The following ARK2C variants were observed in gnomAD, a reference collection of about 807,000 sequenced individuals.
The protein encoded by ARK2C is E3 ubiquitin-protein ligase ARK2C.
At chr18:46,378,160 C>T in the ARK2C span, among the ~76,000 whole-genome samples, 1 of 152,210 alleles carries the variant, frequency 6.6e-6, no homozygotes, top group Non-Finnish European at 1.5e-5. Flanking sequence ...AGGTACGTCC[C>T]CTGCACCAAA....
chr18:46,375,911 G>A, the ARK2C span, among the ~76,000 whole-genome samples: 1 of 152,204 alleles, frequency 6.6e-6, no homozygotes, highest in Admixed American at 6.5e-5. Context: ...TTCAGTCCCT[G>A]CCTTTGATGA....
the ARK2C span, among the ~76,000 whole-genome samples, chr18:46,342,052 C>T: frequency 6.6e-6 from 1 of 152,182 alleles, no homozygotes; most frequent in Non-Finnish European, 1.5e-5. Context: ...TTGGTCCTGT[C>T]TGCAAAGAGG....
the ARK2C span, among the ~76,000 whole-genome samples, chr18:46,429,137 G>C: frequency 5.3e-5 from 8 of 152,214 alleles, no homozygotes; most frequent in Non-Finnish European, 7.3e-5. Context: ...ATAAGGCAGA[G>C]AGGCCTGACT....
At chr18:46,393,734 C>T in the ARK2C span, among the ~76,000 whole-genome samples, 1 of 152,212 alleles carries the variant, frequency 6.6e-6, no homozygotes, top group African/African-American at 2.4e-5. Context: ...ACTCTGCAGG[C>T]CAGTGGGGAG....
the ARK2C span, chr18:46,337,713 T>TC: frequency 1.3e-5 from 9 of 702,430 alleles, no homozygotes; most frequent in Non-Finnish European, 1.6e-5. Context: ...GTTTAGATTT[T>TC]CCCCCCTTGC....
the ARK2C span, among the ~76,000 whole-genome samples, chr18:46,364,138 G>A: frequency 7.9e-5 from 12 of 151,208 alleles, no homozygotes; most frequent in Middle Eastern, 3.2e-3. Flanking sequence ...AATAGAACTG[G>A]GATTTCTCCA....
the ARK2C span, among the ~76,000 whole-genome samples, chr18:46,425,794 G>A: frequency 1.1e-4 from 17 of 152,076 alleles, no homozygotes; most frequent in African/African-American, 3.6e-4. Flanking sequence ...GAGGCCCCCC[G>A]TCTTAGTCTG....
chr18:46,382,681 C>T, the ARK2C span, among the ~76,000 whole-genome samples: 169 of 152,288 alleles, frequency 1.1e-3, no homozygotes, highest in Middle Eastern at 6.8e-3. Context: ...ACCACAGCCC[C>T]GTGAAGTTAG....
At chr18:46,344,028 TGC>T in the ARK2C span, among the ~76,000 whole-genome samples, 3 of 152,192 alleles carry the variant, frequency 2.0e-5, no homozygotes, top group Non-Finnish European at 2.9e-5. Context: ...TGCCTGGGTG[TGC>T]CGCTGTGTGC....
At chr18:46,372,644 G>T in the ARK2C span, among the ~76,000 whole-genome samples, 5 of 152,276 alleles carry the variant, frequency 3.3e-5, no homozygotes, top group African/African-American at 1.2e-4. Flanking sequence ...AGGGGTTGGG[G>T]GTCTCCTGTT....
At chr18:46,378,619 G>C in the ARK2C span, among the ~76,000 whole-genome samples, 38 of 152,214 alleles carry the variant, frequency 2.5e-4, no homozygotes, top group Non-Finnish European at 4.9e-4. Flanking sequence ...CAGGGCCACT[G>C]TTTATCAAAT....
the ARK2C span, among the ~76,000 whole-genome samples, chr18:46,411,757 A>G: frequency 2.0e-5 from 3 of 152,334 alleles, no homozygotes; most frequent in Non-Finnish European, 2.9e-5. Flanking sequence ...TGCTCACCCA[A>G]TGTGAACAAA....
At chr18:46,401,661 T>C in the ARK2C span, among the ~76,000 whole-genome samples, 7 of 152,304 alleles carry the variant, frequency 4.6e-5, no homozygotes, top group Admixed American at 6.5e-5. Flanking sequence ...CTTGAACAAA[T>C]TTCAGCATGC....
chr18:46,410,150 C>T, the ARK2C span, among the ~76,000 whole-genome samples: 2,544 of 152,264 alleles, frequency 0.017, 39 homozygotes, highest in East Asian at 0.094. Context: ...CTTCTAAGGT[C>T]ACATGACCTC....
chr18:46,445,548 T>C, the ARK2C span, among the ~76,000 whole-genome samples: 7 of 152,224 alleles, frequency 4.6e-5, no homozygotes, highest in Non-Finnish European at 8.8e-5. Flanking sequence ...CCTCCTTCTA[T>C]GTAGCTGCCT....
chr18:46,424,223 G>A, the ARK2C span, among the ~76,000 whole-genome samples: 1 of 152,232 alleles, frequency 6.6e-6, no homozygotes, highest in Non-Finnish European at 1.5e-5. Context: ...TGGACAGGAT[G>A]CAATGGTCTG....
chr18:46,391,587 T>A, the ARK2C span, among the ~76,000 whole-genome samples: 1 of 152,022 alleles, frequency 6.6e-6, no homozygotes. Context: ...GCAGGGTAGT[T>A]TGCACAGCCA....
the ARK2C span, among the ~76,000 whole-genome samples, chr18:46,446,976 T>A: frequency 6.6e-6 from 1 of 152,188 alleles, no homozygotes; most frequent in Non-Finnish European, 1.5e-5. Flanking sequence ...CTTGCTCATT[T>A]TCTCTCCAGA....
At chr18:46,408,345 C>T in the ARK2C span, among the ~76,000 whole-genome samples, 1 of 152,262 alleles carries the variant, frequency 6.6e-6, no homozygotes, top group Non-Finnish European at 1.5e-5. Flanking sequence ...TTGGTCCCAC[C>T]TCCCTTCTAC....
Sources: gnomAD v4.1 joint callset for allele counts (sites outside exome capture counted in the v4.1 genomes callset) on GRCh38, gnomAD v4.1.1 for gene constraint, MANE v1.5 for transcripts, NCBI Gene and HGNC (gene_info 2026-07-23, HGNC 2026-07-21) for gene names.